The following GALM variants were observed in gnomAD, a reference collection of about 807,000 sequenced individuals.
The protein encoded by GALM is aldose 1-epimerase.
Under a neutral mutation model 37.4 loss-of-function variants are expected in GALM, and 43 were observed. The ratio of observed to expected loss-of-function variants is 1.15; its 90% CI spans 0.90 to 1.48. GALM has a LOEUF of 1.48. Ranked by LOEUF, GALM falls within the 40% of genes most tolerant of loss-of-function variation. The pLI is 0.00. For synonymous variants in GALM, 199 were observed against 170.6 expected (o/e 1.17, Z -1.30); for missense variants, 456 against 419.1 (o/e 1.09, Z -0.77).
intron 4 of GALM, among the ~76,000 whole-genome samples, chr2:38,722,949 A>C (rs945336386): frequency 6.6e-6 from 1 of 152,084 alleles, no homozygotes; most frequent in Non-Finnish European, 1.5e-5. Context: ...ACCATCTGCA[A>C]AGTAAGGGGA....
chr2:38,684,670 TGTG>T (rs1174641416), intron 3 of GALM, among the ~76,000 whole-genome samples: 1 of 152,008 alleles, frequency 6.6e-6, no homozygotes, highest in Admixed American at 6.6e-5. Flanking sequence ...AGCTGGGCGT[TGTG>T]GTAGATGCCT....
At chr2:38,725,788 C>T (rs138876003) in intron 4 of GALM, among the ~76,000 whole-genome samples, 126 of 151,840 alleles carry the variant, frequency 8.3e-4, no homozygotes, top group African/African-American at 2.5e-3. Flanking sequence ...CTTGGCTCAC[C>T]ACAACCTCCA....
chr2:38,711,585 C>T (rs545401475), intron 4 of GALM, among the ~76,000 whole-genome samples: 3 of 151,710 alleles, frequency 2.0e-5, no homozygotes, highest in South Asian at 4.2e-4. Context: ...AATAATTATA[C>T]TTAATACTTA....
At chr2:38,686,375 C>T (rs573105358) in intron 3 of GALM, among the ~76,000 whole-genome samples, 1 of 151,938 alleles carries the variant, frequency 6.6e-6, no homozygotes, top group South Asian at 2.1e-4. Flanking sequence ...ACGACATTCT[C>T]CTGCCTCAGC....
intron 4 of GALM, among the ~76,000 whole-genome samples, chr2:38,702,412 C>T (rs1396219419): frequency 1.3e-5 from 2 of 151,986 alleles, no homozygotes; most frequent in East Asian, 1.9e-4. Context: ...AAATGATCTC[C>T]GAGCATGCCT....
At chr2:38,682,211 C>CCAG in intron 3 of GALM, 1 of 425,336 alleles carries the variant, frequency 2.4e-6, no homozygotes, top group Non-Finnish European at 4.8e-6. Flanking sequence ...TTAAGTGATC[C>CCAG]CTTCTGAACT....
chr2:38,702,744 C>T (rs1022155498), intron 4 of GALM, among the ~76,000 whole-genome samples: 5 of 151,654 alleles, frequency 3.3e-5, no homozygotes, highest in African/African-American at 9.7e-5. Context: ...TTGGTCTCTT[C>T]GGGTTGAAGC....
chr2:38,705,756 C>T (rs1666022967), intron 4 of GALM, among the ~76,000 whole-genome samples: 1 of 152,200 alleles, frequency 6.6e-6, no homozygotes, highest in Non-Finnish European at 1.5e-5. Context: ...TTAAATTTTG[C>T]ACCCTAGGCA....
intron 4 of GALM, among the ~76,000 whole-genome samples, chr2:38,707,996 G>T (rs776343641): frequency 6.6e-6 from 1 of 152,010 alleles, no homozygotes; most frequent in Non-Finnish European, 1.5e-5. Flanking sequence ...AATCCAAGCT[G>T]CTCGGTAGGC....
chr2:38,678,075 G>A (rs1176579591), intron 2 of GALM, among the ~76,000 whole-genome samples: 3 of 148,464 alleles, frequency 2.0e-5, no homozygotes. Flanking sequence ...GGAGTGCAAT[G>A]GCGCCATCTC....
At chr2:38,700,382 A>G (rs1174455210) in intron 4 of GALM, among the ~76,000 whole-genome samples, 1 of 151,944 alleles carries the variant, frequency 6.6e-6, no homozygotes, top group Admixed American at 6.6e-5. Context: ...ATCTAATAAT[A>G]TTTGCTTTAT....
At chr2:38,728,110 T>C (rs1030220204) in intron 4 of GALM, among the ~76,000 whole-genome samples, 11 of 144,364 alleles carry the variant, frequency 7.6e-5, no homozygotes, top group Middle Eastern at 3.5e-3. Context: ...GAAAACTTTT[T>C]AGGCCAGGAG....
intron 4 of GALM, among the ~76,000 whole-genome samples, chr2:38,724,623 GT>G (rs906610170): frequency 6.6e-6 from 1 of 152,140 alleles, no homozygotes; most frequent in African/African-American, 2.4e-5. Context: ...AGCCTTCACT[GT>G]TTTTTTCTTC....
chr2:38,696,967 T>G (rs1321994275), intron 4 of GALM, among the ~76,000 whole-genome samples: 1 of 151,810 alleles, frequency 6.6e-6, no homozygotes, highest in Non-Finnish European at 1.5e-5. Context: ...TTTTTGTATT[T>G]TTAGTAGAGA....
At chr2:38,673,805 G>C (rs12053556) in intron 1 of GALM, among the ~76,000 whole-genome samples, 3 of 123,550 alleles carry the variant, frequency 2.4e-5, no homozygotes, top group Admixed American at 8.8e-5. Flanking sequence ...GCGAGACTCC[G>C]TCTCAAAAAA....
chr2:38,683,791 T>G (rs541446155), intron 3 of GALM, among the ~76,000 whole-genome samples: 13 of 152,332 alleles, frequency 8.5e-5, no homozygotes, highest in African/African-American at 3.1e-4. Flanking sequence ...GGTCTCGAAC[T>G]CCTGACCTCG....
intron 4 of GALM, among the ~76,000 whole-genome samples, chr2:38,716,495 A>G (rs1351986030): frequency 6.6e-6 from 1 of 152,222 alleles, no homozygotes; most frequent in Non-Finnish European, 1.5e-5. Context: ...TATTCTATAG[A>G]CCAAGGATTC....
At chr2:38,697,453 T>G (rs1360378870) in intron 4 of GALM, among the ~76,000 whole-genome samples, 1 of 152,218 alleles carries the variant, frequency 6.6e-6, no homozygotes, top group East Asian at 1.9e-4. Flanking sequence ...GTTTTTCAAC[T>G]CCTTATTTTT....
At chr2:38,708,872 C>T (rs1174115344) in intron 4 of GALM, among the ~76,000 whole-genome samples, 2 of 151,760 alleles carry the variant, frequency 1.3e-5, no homozygotes, top group East Asian at 3.9e-4. Context: ...TGATTTAGGA[C>T]AAGTAAAATG....
Sources: allele counts gnomAD v4.1 joint callset (sites outside exome capture counted in the v4.1 genomes callset), GRCh38; gene constraint gnomAD v4.1.1; transcripts MANE v1.5; gene names NCBI Gene and HGNC (gene_info 2026-07-23, HGNC 2026-07-21).